Variants in DDX10 observed in about 807,000 individuals in gnomAD.
DDX10 encodes the protein DEAD-box helicase 10, also known as probable ATP-dependent RNA helicase DDX10.
DDX10 carries 74 observed loss-of-function variants against 104.3 expected under a neutral mutation model. That is an observed-to-expected ratio of 0.71 (90% CI 0.59 to 0.86). DDX10 has a LOEUF of 0.86. Among genes scored for constraint, DDX10 ranks in the 40% least tolerant of loss-of-function variants. DDX10 has a pLI of 0.00. For synonymous variants in DDX10, 351 were observed against 353.4 expected (o/e 0.99, Z 0.08); for missense variants, 952 against 1,040.0 (o/e 0.92, Z 1.16).
chr11:108,813,771 T>C (rs900643434), intron 13 of DDX10, among the ~76,000 whole-genome samples: 4 of 152,008 alleles, frequency 2.6e-5, no homozygotes, highest in African/African-American at 9.7e-5. Flanking sequence ...GGATCCAGCT[T>C]TATTTTGTTC....
At chr11:108,730,076 A>G (rs1029913224) in intron 13 of DDX10, 4 of 152,532 alleles carry the variant, frequency 2.6e-5, no homozygotes, top group East Asian at 1.9e-4. Context: ...CTTACCTTCC[A>G]TGGCTGATGC....
chr11:108,720,334 A>C (rs923474682), intron 12 of DDX10, among the ~76,000 whole-genome samples: 3 of 152,218 alleles, frequency 2.0e-5, no homozygotes, highest in Admixed American at 6.5e-5. Context: ...GAAATCTTTA[A>C]GTGTCTATAG....
At chr11:108,852,273 A>T (rs963467002) in intron 16 of DDX10, 64 bp downstream of exon 16, 10 of 1,287,110 alleles carry the variant, frequency 7.8e-6, no homozygotes, top group Non-Finnish European at 1.1e-5. Context: ...AAAGCATTTT[A>T]TATTTTGGCA....
intron 13 of DDX10, among the ~76,000 whole-genome samples, chr11:108,827,524 C>T (rs1862411970): frequency 6.6e-6 from 1 of 152,106 alleles, no homozygotes; most frequent in South Asian, 2.1e-4. Flanking sequence ...TCTATTAAAC[C>T]TTTAAACATA....
At chr11:108,750,072 T>G (rs1391447671) in intron 13 of DDX10, among the ~76,000 whole-genome samples, 1 of 152,166 alleles carries the variant, frequency 6.6e-6, no homozygotes, top group African/African-American at 2.4e-5. Flanking sequence ...GTGGTTGTCC[T>G]TTGAGCTGGT....
At chr11:108,881,669 T>C (rs927680561) in intron 16 of DDX10, among the ~76,000 whole-genome samples, 1 of 152,180 alleles carries the variant, frequency 6.6e-6, no homozygotes, top group African/African-American at 2.4e-5. Flanking sequence ...TGTTAGATGA[T>C]TTCGCTCAAT....
chr11:108,728,916 T>C (rs777410054), intron 13 of DDX10, among the ~76,000 whole-genome samples: 7 of 152,194 alleles, frequency 4.6e-5, no homozygotes, highest in Admixed American at 1.3e-4. Flanking sequence ...TTGCCTAATA[T>C]GCCATTAACC....
chr11:108,795,187 C>T (rs1456913805), intron 13 of DDX10, among the ~76,000 whole-genome samples: 1 of 150,136 alleles, frequency 6.7e-6, no homozygotes, highest in Admixed American at 6.6e-5. Context: ...ATGTTTGACT[C>T]AGAATGATTT....
intron 13 of DDX10, among the ~76,000 whole-genome samples, chr11:108,725,286 T>C (rs1565259515): frequency 6.6e-6 from 1 of 152,154 alleles, no homozygotes; most frequent in African/African-American, 2.4e-5. Flanking sequence ...TACATTTTTA[T>C]GTAGATAATT....
intron 13 of DDX10, among the ~76,000 whole-genome samples, chr11:108,836,634 G>A (rs1341914545): frequency 6.6e-6 from 1 of 151,966 alleles, no homozygotes; most frequent in East Asian, 1.9e-4. Flanking sequence ...TTACAGGGGT[G>A]CGCCACTATG....
rs566332436 is a variant in DDX10, at chr11:108,878,248, A to G, written c.2304+26039A>G. 5.3e-5 allele frequency among the ~76,000 whole-genome samples: 8 copies of G among 152,300 alleles called. No homozygotes were observed. In the South Asian group the frequency reaches 1.0e-3, roughly 20 times the overall value. On this transcript the variant is annotated intron_variant, in intron 16 of 17. Transcript: ENST00000322536. ...ATTGGACCAAAATTTTTGTTTGTTC[A>G]TGTGTTTCTCCCTGGAAGAAAAGGC... is the stretch of plus-strand genomic sequence containing the variant.
At chr11:108,720,490 C>T (rs1413447897) in intron 12 of DDX10, among the ~76,000 whole-genome samples, 1 of 151,702 alleles carries the variant, frequency 6.6e-6, no homozygotes, top group Non-Finnish European at 1.5e-5. Flanking sequence ...GTGTTTCTTA[C>T]AGGTACTCAT....
chr11:108,755,788 T>C (rs1045580302), intron 13 of DDX10, among the ~76,000 whole-genome samples: 3 of 152,026 alleles, frequency 2.0e-5, no homozygotes, highest in Admixed American at 1.3e-4. Flanking sequence ...TTGGGAAATA[T>C]TACTTCTTAC....
chr11:108,773,293 C>T (rs1312449164), intron 13 of DDX10, among the ~76,000 whole-genome samples: 1 of 152,140 alleles, frequency 6.6e-6, no homozygotes, highest in African/African-American at 2.4e-5. Flanking sequence ...AAAGCAAACT[C>T]AACCCTAACT....
intron 13 of DDX10, among the ~76,000 whole-genome samples, chr11:108,786,277 G>C (rs555466598): frequency 7.6e-4 from 115 of 152,188 alleles, no homozygotes; most frequent in Middle Eastern, 3.4e-3. Context: ...TCAGCATGTG[G>C]TTGATCTTTG....
At chr11:108,757,058 A>G (rs1287879864) in intron 13 of DDX10, among the ~76,000 whole-genome samples, 1 of 151,982 alleles carries the variant, frequency 6.6e-6, no homozygotes, top group African/African-American at 2.4e-5. Context: ...TAAACTTTTC[A>G]CTTTAATAGG....
intron 13 of DDX10, among the ~76,000 whole-genome samples, chr11:108,788,514 C>T (rs1296347883): frequency 6.6e-6 from 1 of 152,178 alleles, no homozygotes; most frequent in Non-Finnish European, 1.5e-5. Context: ...AGGTATGCGC[C>T]ACCACGCCTG....
chr11:108,927,329 G>A (rs967448596), intron 17 of DDX10, among the ~76,000 whole-genome samples: 2 of 152,136 alleles, frequency 1.3e-5, no homozygotes, highest in Non-Finnish European at 2.9e-5. Flanking sequence ...ACCCCTAATT[G>A]TACATGAAGA....
At chr11:108,836,662 T>C (rs1260398509) in intron 13 of DDX10, among the ~76,000 whole-genome samples, 1 of 152,154 alleles carries the variant, frequency 6.6e-6, no homozygotes, top group Non-Finnish European at 1.5e-5. Context: ...AATTTTTTTA[T>C]ATTTTTAGTA....
Sources: allele counts gnomAD v4.1 joint callset (sites outside exome capture counted in the v4.1 genomes callset), GRCh38; gene constraint gnomAD v4.1.1; transcripts MANE v1.5; gene names NCBI Gene and HGNC (gene_info 2026-07-23, HGNC 2026-07-21).